The following COX7B2 variants were observed in gnomAD, a reference collection of about 807,000 sequenced individuals.
The protein encoded by COX7B2 is cytochrome c oxidase subunit 7B2.
For missense variants in COX7B2, 109 were observed against 95.9 expected (o/e 1.14, Z -0.57); for synonymous variants, 37 against 32.1 (o/e 1.15, Z -0.51).
intron 2 of COX7B2, among the ~76,000 whole-genome samples, chr4:46,818,009 T>G (rs558517021): frequency 2.0e-5 from 3 of 152,234 alleles, no homozygotes; most frequent in Non-Finnish European, 4.4e-5. Flanking sequence ...TAGAGATTTC[T>G]TCCCAAAATA....
intron 1 of COX7B2, among the ~76,000 whole-genome samples, chr4:46,892,936 G>A (rs1719527236): frequency 6.6e-6 from 1 of 152,190 alleles, no homozygotes; most frequent in South Asian, 2.1e-4. Flanking sequence ...GGTTTTAAAA[G>A]GGGCTTCCCC....
At chr4:46,803,451 A>G (rs1174976249) in intron 2 of COX7B2, among the ~76,000 whole-genome samples, 1 of 152,098 alleles carries the variant, frequency 6.6e-6, no homozygotes, top group African/African-American at 2.4e-5. Context: ...AGTTACAATG[A>G]TCTAGTTGGC....
chr4:46,906,857 G>T (rs553021410), intron 1 of COX7B2, among the ~76,000 whole-genome samples: 4 of 152,142 alleles, frequency 2.6e-5, no homozygotes, highest in South Asian at 2.1e-4. Context: ...ATTCCAATAT[G>T]CCCCTCTTGC....
chr4:46,870,653 C>A (rs1717933132), intron 1 of COX7B2, among the ~76,000 whole-genome samples: 2 of 151,976 alleles, frequency 1.3e-5, no homozygotes, highest in Non-Finnish European at 1.5e-5. Context: ...ACAAAATCAA[C>A]CTACAAAAAT....
intron 1 of COX7B2, among the ~76,000 whole-genome samples, chr4:46,904,937 G>T (rs1336407759): frequency 6.6e-6 from 1 of 152,124 alleles, no homozygotes; most frequent in African/African-American, 2.4e-5. Context: ...TGCATAGTAT[G>T]GTAGAACCTA....
chr4:46,890,321 C>T (rs1240923418), intron 1 of COX7B2, among the ~76,000 whole-genome samples: 1 of 152,162 alleles, frequency 6.6e-6, no homozygotes, highest in South Asian at 2.1e-4. Context: ...TGACTGTGGC[C>T]ATATTCTTTT....
intron 2 of COX7B2, among the ~76,000 whole-genome samples, chr4:46,748,709 T>A (rs752374142): frequency 5.3e-5 from 8 of 152,216 alleles, no homozygotes; most frequent in Non-Finnish European, 8.8e-5. Context: ...CTTCTTCTAT[T>A]AGCTTCCATG....
At chr4:46,872,131 C>G (rs966656917) in intron 1 of COX7B2, among the ~76,000 whole-genome samples, 4 of 152,130 alleles carry the variant, frequency 2.6e-5, no homozygotes, top group Non-Finnish European at 4.4e-5. Context: ...CCATGGAATA[C>G]TATGCAGCCA....
intron 2 of COX7B2, among the ~76,000 whole-genome samples, chr4:46,841,921 A>T (rs1022766240): frequency 6.6e-6 from 1 of 152,176 alleles, no homozygotes; most frequent in Non-Finnish European, 1.5e-5. Context: ...AGCCAATGCA[A>T]GTAATTAGAC....
intron 1 of COX7B2, among the ~76,000 whole-genome samples, chr4:46,878,350 A>G (rs1475712658): frequency 6.6e-6 from 1 of 152,036 alleles, no homozygotes; most frequent in Non-Finnish European, 1.5e-5. Context: ...ATAGTTCATA[A>G]TATTCTAATG....
chr4:46,773,654 A>G (rs1717000213), intron 2 of COX7B2, among the ~76,000 whole-genome samples: 1 of 152,154 alleles, frequency 6.6e-6, no homozygotes, highest in Non-Finnish European at 1.5e-5. Context: ...GAAGTAGCAA[A>G]ATCATGTTCA....
At chr4:46,783,132 A>T (rs60092990) in intron 2 of COX7B2, among the ~76,000 whole-genome samples, 5,117 of 152,320 alleles carry the variant, frequency 0.034, 219 homozygotes, top group African/African-American at 0.1. Flanking sequence ...TCCCTTGTAC[A>T]GCTTTTTTTC....
chr4:46,744,267 C>T (rs1367885003), intron 2 of COX7B2, among the ~76,000 whole-genome samples: 2 of 152,156 alleles, frequency 1.3e-5, no homozygotes. Flanking sequence ...GGACACCAGT[C>T]CCCTCATTCA....
chr4:46,899,244 G>A (rs1719941712), intron 1 of COX7B2, among the ~76,000 whole-genome samples: 1 of 151,966 alleles, frequency 6.6e-6, no homozygotes, highest in African/African-American at 2.4e-5. Context: ...AATTCCATCT[G>A]TAGCAATTGT....
At chr4:46,782,790 G>A (rs191749436) in intron 2 of COX7B2, among the ~76,000 whole-genome samples, 171 of 152,184 alleles carry the variant, frequency 1.1e-3, no homozygotes, top group African/African-American at 3.9e-3. Context: ...GGCTCACCGC[G>A]AAGGTCTGCA....
intron 2 of COX7B2, among the ~76,000 whole-genome samples, chr4:46,769,808 T>C (rs940967893): frequency 1.3e-5 from 2 of 151,760 alleles, no homozygotes; most frequent in Admixed American, 6.6e-5. Flanking sequence ...CTTGTCATGA[T>C]AAAAAAAACA....
At chr4:46,892,364 C>T (rs1313076283) in intron 1 of COX7B2, among the ~76,000 whole-genome samples, 2 of 152,162 alleles carry the variant, frequency 1.3e-5, no homozygotes, top group African/African-American at 4.8e-5. Context: ...TGTTTTGAAT[C>T]ACTGTCATGT....
chr4:46,746,988 T>A (rs1255840072), intron 2 of COX7B2, among the ~76,000 whole-genome samples: 1 of 152,098 alleles, frequency 6.6e-6, no homozygotes, highest in African/African-American at 2.4e-5. Context: ...GTGCAAAAAG[T>A]AATAAAAAAT....
At chr4:46,838,133 T>A (rs558015497) in intron 2 of COX7B2, among the ~76,000 whole-genome samples, 2 of 152,126 alleles carry the variant, frequency 1.3e-5, no homozygotes, top group Admixed American at 1.3e-4. Flanking sequence ...TTGTACATTC[T>A]TTATCAGCAT....
Sources: gnomAD v4.1 joint callset for allele counts (sites outside exome capture counted in the v4.1 genomes callset) on GRCh38, gnomAD v4.1.1 for gene constraint, MANE v1.5 for transcripts, NCBI Gene and HGNC (gene_info 2026-07-23, HGNC 2026-07-21) for gene names.